Variants in PRMT8 observed in about 807,000 individuals in gnomAD.
The protein encoded by PRMT8 is protein arginine methyltransferase 8, also known as protein arginine N-methyltransferase 8.
Under a neutral mutation model 47.1 loss-of-function variants are expected in PRMT8, and 7 were observed. The observed-to-expected ratio is 0.15, with a 90% CI of 0.08 to 0.28. PRMT8 has a LOEUF of 0.28. Ranked by LOEUF, PRMT8 falls within the 10% of genes least tolerant of loss-of-function variation. The probability of loss-of-function intolerance (pLI) is 1.00; values close to 1 mark genes in which losing one functional copy is unlikely to be tolerated. For synonymous variants in PRMT8, 188 were observed against 186.5 expected (o/e 1.01, Z -0.07); for missense variants, 237 against 505.4 (o/e 0.47, Z 5.09).
intron 1 of PRMT8, among the ~76,000 whole-genome samples, chr12:3,539,807 G>A (rs1290586407): frequency 2.0e-5 from 3 of 152,236 alleles, no homozygotes; most frequent in Non-Finnish European, 4.4e-5. Context: ...AATTGGTTGT[G>A]TGGAGGCCAT....
At chr12:3,427,732 G>T (rs1297901361) in intron 1 of PRMT8, among the ~76,000 whole-genome samples, 1 of 150,860 alleles carries the variant, frequency 6.6e-6, no homozygotes, top group Non-Finnish European at 1.5e-5. Context: ...TCAATTTTCT[G>T]ACTTATTACA....
chr12:3,526,105 G>T (rs988382071), intron 1 of PRMT8, among the ~76,000 whole-genome samples: 2 of 152,036 alleles, frequency 1.3e-5, no homozygotes, highest in Non-Finnish European at 1.5e-5. Context: ...CCTTTTATAG[G>T]TATAGTCTTA....
intron 8 of PRMT8, among the ~76,000 whole-genome samples, chr12:3,591,123 T>C (rs1369901315): frequency 1.3e-5 from 2 of 152,026 alleles, no homozygotes; most frequent in Non-Finnish European, 2.9e-5. Flanking sequence ...GCAAGGACGG[T>C]GGCCTCTGAG....
intron 1 of PRMT8, among the ~76,000 whole-genome samples, chr12:3,513,226 C>G (rs954669702): frequency 6.6e-6 from 1 of 152,124 alleles, no homozygotes; most frequent in African/African-American, 2.4e-5. Flanking sequence ...TGTTCAATCC[C>G]CCATCATCAC....
intron 1 of PRMT8, among the ~76,000 whole-genome samples, chr12:3,414,584 C>T (rs985913976): frequency 6.6e-6 from 1 of 152,186 alleles, no homozygotes; most frequent in Non-Finnish European, 1.5e-5. Flanking sequence ...TGAGGCCCCG[C>T]AGCAGCCTCC....
intron 1 of PRMT8, among the ~76,000 whole-genome samples, chr12:3,531,707 T>A (rs781146104): frequency 3.0e-4 from 45 of 152,132 alleles, no homozygotes; most frequent in Middle Eastern, 3.2e-3. Context: ...GTGACCCTGG[T>A]CAGGACAGCG....
intron 1 of PRMT8, among the ~76,000 whole-genome samples, chr12:3,464,565 C>T (rs1290655202): frequency 6.6e-6 from 1 of 152,032 alleles, no homozygotes; most frequent in Non-Finnish European, 1.5e-5. Context: ...ATATTTATTA[C>T]TTATCCTGTG....
At chr12:3,568,905 C>G in intron 5 of PRMT8, 57 bp downstream of exon 5, 1 of 1,606,138 alleles carries the variant, frequency 6.2e-7, no homozygotes. Flanking sequence ...GCTCCTCTAC[C>G]CAAGGCCTGC....
At chr12:3,587,811 G>T (rs1006649021) in intron 8 of PRMT8, among the ~76,000 whole-genome samples, 1 of 152,194 alleles carries the variant, frequency 6.6e-6, no homozygotes, top group African/African-American at 2.4e-5. Context: ...CGCGCTCTGC[G>T]GGCCACTTAG....
intron 1 of PRMT8, among the ~76,000 whole-genome samples, chr12:3,510,145 G>C (rs747245561): frequency 6.6e-6 from 1 of 152,172 alleles, no homozygotes; most frequent in Non-Finnish European, 1.5e-5. Flanking sequence ...TCAGACCAGA[G>C]ATCTGAACTG....
At position 3,409,103 on chromosome 12, in the gene PRMT8, T is replaced by G. The variant is rs184076427; in HGVS notation, c.48+27661T>G. 4.9e-3 allele frequency among the ~76,000 whole-genome samples: 741 copies of G among 152,194 alleles called. 9 individuals carry two copies. The highest frequency in any genetic ancestry group is 0.017 in the African/African-American group (710 of 41,536). On this transcript the variant is annotated intron_variant, in intron 1 of 9. Coordinates refer to the PRMT8 transcript ENST00000452611. This position sits in a 1 kb window ranked among gnomAD's most constrained non-coding sequence, Gnocchi z 4.4. ...TGGGCCCAGGCTCTCACAAACCTAC[T>G]GTGGCACCTGGGACTTGGGGTGAAG... is the stretch of plus-strand genomic sequence containing the variant.
chr12:3,584,246 A>G (rs1286066200), intron 8 of PRMT8, among the ~76,000 whole-genome samples: 3 of 152,166 alleles, frequency 2.0e-5, no homozygotes, highest in African/African-American at 7.2e-5. Context: ...TGGTGGCTCT[A>G]TGTGTGTCCT....
chr12:3,516,929 G>A (rs1368980926), intron 1 of PRMT8, among the ~76,000 whole-genome samples: 2 of 152,122 alleles, frequency 1.3e-5, no homozygotes, highest in Admixed American at 6.5e-5. Flanking sequence ...TAGGTCATAT[G>A]TCAAATACTT....
intron 2 of PRMT8, among the ~76,000 whole-genome samples, chr12:3,548,115 G>A (rs1866357962): frequency 6.6e-6 from 1 of 152,130 alleles, no homozygotes. Context: ...GTGACAAGGT[G>A]ATTAATGGAG....
chr12:3,558,961 CCTATCTATCTATCTAT>C (rs61644721), intron 4 of PRMT8, among the ~76,000 whole-genome samples: 4 of 149,990 alleles, frequency 2.7e-5, no homozygotes, highest in African/African-American at 9.9e-5. Context: ...TATCTATCTA[CCTATCTATCTATCTAT>C]CTATCTATCT....
intron 1 of PRMT8, among the ~76,000 whole-genome samples, chr12:3,430,673 C>G (rs965570983): frequency 1.3e-5 from 2 of 152,342 alleles, no homozygotes; most frequent in African/African-American, 4.8e-5. Flanking sequence ...TTTTCTCAAC[C>G]TTTCTAGTTT....
chr12:3,592,102 C>G, intron 8 of PRMT8, 129 bp from the exon 9 acceptor site: 1 of 1,039,974 alleles, frequency 9.6e-7, no homozygotes. Context: ...AACAAGAGTA[C>G]TGGGGTGGGT....
intron 2 of PRMT8, among the ~76,000 whole-genome samples, chr12:3,544,370 C>T (rs1195937424): frequency 6.6e-6 from 1 of 152,070 alleles, no homozygotes; most frequent in Non-Finnish European, 1.5e-5. Flanking sequence ...GAGACTTGGC[C>T]AAAAAAGCGA....
In PRMT8 at chr12:3,540,620, C is replaced by CGA; in HGVS notation, c.90_91insGA (p.Ser31AspfsTer36). 4.1e-6 allele frequency: 5 copies of CGA among 1,231,766 alleles called. No individual in the cohort carries two copies. Among genetic ancestry groups the CGA allele is most frequent in the Non-Finnish European group, 5.9e-6 (5 of 842,266 alleles). 76.3% of individuals were successfully genotyped at this position (1,231,766 alleles called of 1,614,324 possible). On this transcript the variant is annotated frameshift_variant, in exon 2 of 10. Transcript: ENST00000382622. LOFTEE classifies it high-confidence loss of function. ...CTTCCCCTCAGGTGAACAGCCCCCC[C>CGA]TCCCAGCCCCCCCAGCCCGTCGTCC...
Sources: gnomAD v4.1 joint callset for allele counts (sites outside exome capture counted in the v4.1 genomes callset) on GRCh38, gnomAD v4.1.1 for gene constraint, Gnocchi (gnomAD v3.1) non-coding constraint, MANE v1.5 for transcripts, NCBI Gene and HGNC (gene_info 2026-07-23, HGNC 2026-07-21) for gene names.